PLEKHG7: variants seen among roughly 807,000 people sequenced by gnomAD.
PLEKHG7 encodes the protein pleckstrin homology domain-containing family G member 7.
In PLEKHG7, 77 loss-of-function variants were observed where a neutral mutation model predicts 85.2. That is an observed-to-expected ratio of 0.90 (90% CI 0.75 to 1.09). The LOEUF (loss-of-function observed/expected upper bound fraction) is 1.09, where lower values mean the gene tolerates loss of function less well. PLEKHG7 is among the 50% of genes least tolerant of loss of function. The pLI is 0.00. For missense variants in PLEKHG7, 777 were observed against 804.3 expected, an observed-to-expected ratio of 0.97 and a Z score of 0.41; for synonymous variants, 301 against 302.4, an observed-to-expected ratio of 1.00 and a Z score of 0.05.
intron 3 of PLEKHG7, among the ~76,000 whole-genome samples, chr12:92,718,104 C>G (rs541326254): frequency 3.3e-5 from 5 of 152,254 alleles, no homozygotes; most frequent in African/African-American, 1.2e-4. Context: ...ATTTAAAACC[C>G]CTTATGTCCC....
chr12:92,753,710 T>C (rs1273364638), intron 10 of PLEKHG7, among the ~76,000 whole-genome samples: 1 of 152,174 alleles, frequency 6.6e-6, no homozygotes, highest in African/African-American at 2.4e-5. Flanking sequence ...CAAGAATCCT[T>C]CCTTTTCCCT....
chr12:92,738,713 G>A (rs987746346), intron 7 of PLEKHG7, among the ~76,000 whole-genome samples: 2 of 152,212 alleles, frequency 1.3e-5, no homozygotes, highest in African/African-American at 4.8e-5. Context: ...CTGTAAAAGA[G>A]AAATGACAAT....
intron 6 of PLEKHG7, 58 bp downstream of exon 6, chr12:92,736,635 G>A: frequency 9.3e-7 from 1 of 1,070,306 alleles, no homozygotes; most frequent in South Asian, 4.8e-5. Flanking sequence ...TTTTGGTGGG[G>A]TGGGGAAGGT....
chr12:92,744,259 T>C (rs1249291435), intron 9 of PLEKHG7, among the ~76,000 whole-genome samples: 2 of 152,190 alleles, frequency 1.3e-5, no homozygotes, highest in East Asian at 3.9e-4. Context: ...CCATGAGTTA[T>C]TATATTAATC....
chr12:92,752,199 A>AAG (rs574700795), intron 10 of PLEKHG7, among the ~76,000 whole-genome samples: 7 of 152,176 alleles, frequency 4.6e-5, no homozygotes, highest in Admixed American at 1.3e-4. Context: ...CTTTCCAAAG[A>AAG]AGAGAATAGA....
chr12:92,739,137 G>A (rs1256311480), intron 7 of PLEKHG7, among the ~76,000 whole-genome samples: 4 of 152,228 alleles, frequency 2.6e-5, no homozygotes, highest in Admixed American at 2.6e-4. Context: ...TTCTCTTGTA[G>A]TCACAGCCTG....
intron 8 of PLEKHG7, among the ~76,000 whole-genome samples, 171 bp downstream of exon 8, chr12:92,741,119 A>G (rs1023459036): frequency 2.6e-5 from 4 of 152,204 alleles, no homozygotes; most frequent in Admixed American, 2.6e-4. Flanking sequence ...CCTTTCCCAT[A>G]AATTGTAGAT....
At chr12:92,749,882 T>TTTTTA (rs1215431207) in intron 10 of PLEKHG7, among the ~76,000 whole-genome samples, 3 of 143,314 alleles carry the variant, frequency 2.1e-5, no homozygotes, top group Non-Finnish European at 4.6e-5. Flanking sequence ...TTTATTTTAT[T>TTTTTA]TTTTATTTTA....
At chr12:92,761,619 G>GA (rs1873000873) in intron 13 of PLEKHG7, 133 bp from the exon 14 acceptor site, 2 of 993,322 alleles carry the variant, frequency 2.0e-6, no homozygotes, top group African/African-American at 4.3e-5. Context: ...AAGAAAGAAA[G>GA]AAAGAAGAAA....
chr12:92,736,481 G>A lies in PLEKHG7; in HGVS notation c.700-1G>A. ...TCCTGTTTCTAACCATCTTCGAGCA[G>A]GGCAAAGACAAACACAAGCACATAT... is the stretch of plus-strand genomic sequence containing the variant. On this transcript the variant is annotated splice_acceptor_variant, in intron 5 of 16. Coordinates refer to ENST00000344636, the MANE Select transcript of PLEKHG7 (RefSeq NM_001377329.1). LOFTEE classifies it high-confidence loss of function. The A allele has an allele frequency of 8.1e-7, 1 of 1,231,162 alleles. No homozygotes were observed. 76.3% of individuals were successfully genotyped at this position (1,231,162 alleles called of 1,614,324 possible).
chr12:92,734,705 C>T (rs1872089068), intron 5 of PLEKHG7, among the ~76,000 whole-genome samples: 1 of 152,142 alleles, frequency 6.6e-6, no homozygotes, highest in African/African-American at 2.4e-5. Flanking sequence ...CTCCATAGAT[C>T]TTGCCTTTTC....
At chr12:92,754,018 T>G in intron 10 of PLEKHG7, 72 bp from the exon 11 acceptor site, 3 of 1,490,844 alleles carry the variant, frequency 2.0e-6, no homozygotes. Context: ...CAAGAACCTC[T>G]CATATCCAGG....
intron 13 of PLEKHG7, among the ~76,000 whole-genome samples, chr12:92,757,562 T>C (rs963242546): frequency 2.6e-5 from 4 of 152,208 alleles, no homozygotes; most frequent in African/African-American, 9.7e-5. Flanking sequence ...AAGATAGACA[T>C]ATCCAGCGTT....
intron 10 of PLEKHG7, among the ~76,000 whole-genome samples, chr12:92,751,800 G>A (rs190920352): frequency 2.7e-4 from 41 of 152,176 alleles, no homozygotes; most frequent in African/African-American, 9.6e-4. Flanking sequence ...GCAGATTGCT[G>A]GAACCCAGGC....
intron 4 of PLEKHG7, 32 bp downstream of exon 4, chr12:92,729,152 G>A: frequency 8.1e-7 from 1 of 1,231,216 alleles, no homozygotes; most frequent in Non-Finnish European, 1.0e-6. Flanking sequence ...TTCATTCCAT[G>A]CCCACTGTGG....
intron 13 of PLEKHG7, among the ~76,000 whole-genome samples, chr12:92,759,107 T>C (rs1341991125): frequency 6.6e-6 from 1 of 152,212 alleles, no homozygotes; most frequent in Non-Finnish European, 1.5e-5. Context: ...TCTCCCAGCC[T>C]TAAAAACTGT....
At chr12:92,761,646 GAA>G (rs1196798077) in intron 13 of PLEKHG7, 104 bp from the exon 14 acceptor site, 3 of 1,044,924 alleles carry the variant, frequency 2.9e-6, no homozygotes, top group East Asian at 7.2e-5. Context: ...AAGAAAGAAA[GAA>G]AGAAAGAAAG....
At chr12:92,705,466 A>T (rs1871205769) in intron 1 of PLEKHG7, among the ~76,000 whole-genome samples, 1 of 152,276 alleles carries the variant, frequency 6.6e-6, no homozygotes, top group Admixed American at 6.5e-5. Context: ...GGCTATCCAA[A>T]TGTGGGCAAA....
At chr12:92,767,124 C>T (rs1015394500) in intron 15 of PLEKHG7, among the ~76,000 whole-genome samples, 3 of 152,142 alleles carry the variant, frequency 2.0e-5, no homozygotes, top group East Asian at 1.9e-4. Context: ...AATTAGCTGA[C>T]CTATCTCACA....
Sources: allele counts gnomAD v4.1 joint callset (sites outside exome capture counted in the v4.1 genomes callset), GRCh38; gene constraint gnomAD v4.1.1; transcripts MANE v1.5; gene names NCBI Gene and HGNC (gene_info 2026-07-23, HGNC 2026-07-21).